The following SEPTIN7 variants were observed in gnomAD, a reference collection of about 807,000 sequenced individuals.
SEPTIN7 encodes the protein septin-7.
Under a neutral mutation model 63.3 loss-of-function variants are expected in SEPTIN7, and 10 were observed. The ratio of observed to expected loss-of-function variants is 0.16; its 90% CI spans 0.10 to 0.27. SEPTIN7 has a LOEUF of 0.27. Among genes scored for constraint, SEPTIN7 ranks in the 10% least tolerant of loss-of-function variants. The pLI is 1.00. For missense variants in SEPTIN7, 310 were observed against 521.0 expected (o/e 0.59, Z 3.94); for synonymous variants, 131 against 165.3 (o/e 0.79, Z 1.59).
intron 1 of SEPTIN7, among the ~76,000 whole-genome samples, chr7:35,816,264 A>G (rs1468682157): frequency 1.3e-5 from 2 of 152,110 alleles, no homozygotes; most frequent in African/African-American, 2.4e-5. Context: ...CCTGGCAACC[A>G]CTAATTTACT....
intron 4 of SEPTIN7, among the ~76,000 whole-genome samples, chr7:35,865,508 A>G (rs1331943597): frequency 2.0e-5 from 3 of 151,964 alleles, no homozygotes; most frequent in African/African-American, 7.3e-5. Context: ...GTGTGAATGT[A>G]TCAGTATATC....
chr7:35,859,967 A>G (rs1428025221), intron 3 of SEPTIN7, among the ~76,000 whole-genome samples: 2 of 152,098 alleles, frequency 1.3e-5, no homozygotes, highest in Non-Finnish European at 2.9e-5. Flanking sequence ...AGTTTAATCA[A>G]TTTACATATA....
At chr7:35,891,300 T>C (rs1180366401) in intron 11 of SEPTIN7, among the ~76,000 whole-genome samples, 1 of 152,182 alleles carries the variant, frequency 6.6e-6, no homozygotes, top group Non-Finnish European at 1.5e-5. Context: ...ACATCATATG[T>C]CACTTAACAG....
intron 1 of SEPTIN7, among the ~76,000 whole-genome samples, chr7:35,805,880 C>G (rs1466156774): frequency 2.0e-5 from 3 of 152,182 alleles, no homozygotes; most frequent in Non-Finnish European, 4.4e-5. Flanking sequence ...TTGTTTAACT[C>G]TGGGACACAA....
chr7:35,906,882 A>C lies in SEPTIN7; in HGVS notation c.*2589A>C, dbSNP rs566809512. On this transcript the variant is annotated 3_prime_UTR_variant, in exon 14 of 14. Coordinates refer to ENST00000350320, the MANE Select transcript of SEPTIN7 (RefSeq NM_001788.6). ...GGTAGGTAAGGGGGAAAAAGGAAAG[A>C]CGGCTTGATAGCTATGAATGCATGA... 45 of 152,320 alleles carry C rather than the reference A, an allele frequency of 3.0e-4. No individual in the cohort carries two copies. Among genetic ancestry groups the C allele is most frequent in the African/African-American group, 9.4e-4 (39 of 41,558 alleles). The allele number at this position is 152,320 out of a possible 1,614,324, so 9.4% of individuals were successfully genotyped here.
At chr7:35,837,618 G>T (rs1784143222) in intron 3 of SEPTIN7, among the ~76,000 whole-genome samples, 1 of 152,192 alleles carries the variant, frequency 6.6e-6, no homozygotes, top group Non-Finnish European at 1.5e-5. Flanking sequence ...CATTTTGTAT[G>T]CTCATCAAGT....
At chr7:35,898,207 A>G in intron 11 of SEPTIN7, 41 bp from the exon 12 acceptor site, 1 of 1,432,886 alleles carries the variant, frequency 7.0e-7, no homozygotes, top group Non-Finnish European at 9.3e-7. Flanking sequence ...TATAATTTTT[A>G]TTCACAGACA....
intron 4 of SEPTIN7, among the ~76,000 whole-genome samples, chr7:35,866,242 A>G (rs191239998): frequency 6.6e-6 from 1 of 152,332 alleles, no homozygotes; most frequent in African/African-American, 2.4e-5. Context: ...AACATGCCAT[A>G]TTACAGACAG....
chr7:35,874,698 G>A (rs556167827), intron 6 of SEPTIN7, among the ~76,000 whole-genome samples: 1 of 151,936 alleles, frequency 6.6e-6, no homozygotes, highest in African/African-American at 2.4e-5. Flanking sequence ...ATAGGTCAAT[G>A]CCCATTATCA....
chr7:35,820,933 A>T (rs1050911036), intron 1 of SEPTIN7, among the ~76,000 whole-genome samples: 1 of 152,084 alleles, frequency 6.6e-6, no homozygotes, highest in Non-Finnish European at 1.5e-5. Context: ...AATTTTTGCC[A>T]TATGTTGTCA....
chr7:35,807,188 T>C (rs1788398969), intron 1 of SEPTIN7, among the ~76,000 whole-genome samples: 1 of 147,674 alleles, frequency 6.8e-6, no homozygotes, highest in Admixed American at 6.7e-5. Flanking sequence ...TTTTAAAACT[T>C]TTTTTTTTTT....
At chr7:35,913,318 T>G in the SEPTIN7 span, among the ~76,000 whole-genome samples, 1 of 152,190 alleles carries the variant, frequency 6.6e-6, no homozygotes, top group Non-Finnish European at 1.5e-5. Context: ...CATGCACACT[T>G]TGGCCTGTGT....
the SEPTIN7 span, among the ~76,000 whole-genome samples, chr7:35,914,885 T>C: frequency 1.3e-5 from 2 of 152,040 alleles, no homozygotes; most frequent in East Asian, 1.9e-4. Flanking sequence ...TACATAGATA[T>C]GTATGTGCAC....
At chr7:35,826,357 C>T (rs1159674710) in intron 1 of SEPTIN7, among the ~76,000 whole-genome samples, 7 of 150,008 alleles carry the variant, frequency 4.7e-5, no homozygotes, top group Admixed American at 4.7e-4. Context: ...AAACATACTT[C>T]GTCAGTGTGT....
downstream of SEPTIN7, among the ~76,000 whole-genome samples, chr7:35,908,110 G>A (rs114071635): frequency 1.6e-3 from 241 of 152,284 alleles, no homozygotes; most frequent in African/African-American, 5.5e-3. Context: ...AAAGAGGAAA[G>A]GTGTTAGTAA....
intron 13 of SEPTIN7, among the ~76,000 whole-genome samples, chr7:35,904,048 G>A (rs1374716465): frequency 6.6e-6 from 1 of 152,040 alleles, no homozygotes; most frequent in Non-Finnish European, 1.5e-5. Flanking sequence ...CTGGAGTTTT[G>A]TCAAATATTT....
At chr7:35,863,037 T>TTTAG in intron 3 of SEPTIN7, among the ~76,000 whole-genome samples, 1 of 152,092 alleles carries the variant, frequency 6.6e-6, no homozygotes, top group Non-Finnish European at 1.5e-5. Context: ...CACCCTTATA[T>TTTAG]TTAGGCTGAT....
intron 1 of SEPTIN7, among the ~76,000 whole-genome samples, chr7:35,810,632 C>G (rs1236511509): frequency 6.6e-6 from 1 of 151,974 alleles, no homozygotes; most frequent in South Asian, 2.1e-4. Context: ...CAGATGTTTA[C>G]TTATTTAAAA....
At chr7:35,840,812 G>C (rs543492651) in intron 3 of SEPTIN7, among the ~76,000 whole-genome samples, 2 of 152,204 alleles carry the variant, frequency 1.3e-5, no homozygotes, top group African/African-American at 4.8e-5. Context: ...ATCATAATGT[G>C]TTAAGTGGCA....
Sources: allele counts gnomAD v4.1 joint callset (sites outside exome capture counted in the v4.1 genomes callset), GRCh38; gene constraint gnomAD v4.1.1; transcripts MANE v1.5; gene names NCBI Gene and HGNC (gene_info 2026-07-23, HGNC 2026-07-21).